Variants in SCARA5 observed in about 807,000 individuals in gnomAD.
SCARA5 encodes the protein scavenger receptor class A member 5.
In SCARA5, 45 loss-of-function variants were observed where a neutral mutation model predicts 46.3. The observed-to-expected ratio is 0.97, with a 90% confidence interval of 0.76 to 1.24. SCARA5 has a LOEUF of 1.24. Ranked by LOEUF, SCARA5 falls within the 50% of genes most tolerant of loss-of-function variation. SCARA5 has a pLI of 0.00. For missense variants in SCARA5, 680 were observed against 689.0 expected, an observed-to-expected ratio of 0.99 and a Z score of 0.15; for synonymous variants, 333 against 306.5, an observed-to-expected ratio of 1.09 and a Z score of -0.90.
rs77476112 is a variant in SCARA5, at chr8:27,907,027, T to C, written c.1096+121A>G. The C allele has an allele frequency of 2.4e-4, 149 of 633,120 alleles. 1 individual carries two copies. In the East Asian group the frequency reaches 4.0e-3, roughly 17 times the overall value. The allele number at this position is 633,120 out of a possible 1,614,324, so 39.2% of individuals were successfully genotyped here. On this transcript the variant is annotated intron_variant, in intron 6 of 8. Transcript: ENST00000354914. ...TGCTTTAACAAGATGAAGAGACTTG[T>C]ACAAGGTTGCCCCGCTGGTCCGTGG...
intron 7 of SCARA5, among the ~76,000 whole-genome samples, chr8:27,901,846 C>T (rs1807159965): frequency 6.6e-6 from 1 of 152,202 alleles, no homozygotes; most frequent in African/African-American, 2.4e-5. Context: ...GCCGAAGCCC[C>T]CATCCCAGGG....
chr8:27,970,215 GA>G (rs1413269065), intron 2 of SCARA5, among the ~76,000 whole-genome samples: 1 of 152,052 alleles, frequency 6.6e-6, no homozygotes, highest in Non-Finnish European at 1.5e-5. Flanking sequence ...GTAGGTGAGT[GA>G]GCCTCTAAGG....
At chr8:27,874,562 G>A (rs181265861) in intron 8 of SCARA5, among the ~76,000 whole-genome samples, 1 of 152,246 alleles carries the variant, frequency 6.6e-6, no homozygotes, top group Non-Finnish European at 1.5e-5. Flanking sequence ...CTGCAGAACT[G>A]AGTAGCTGTG....
intron 7 of SCARA5, among the ~76,000 whole-genome samples, chr8:27,890,235 G>A (rs200016993): frequency 6.6e-6 from 1 of 152,306 alleles, no homozygotes; most frequent in East Asian, 1.9e-4. Flanking sequence ...AGCCATTACT[G>A]GGATGCCAGA....
At chr8:27,958,985 C>A (rs1808249819) in intron 3 of SCARA5, among the ~76,000 whole-genome samples, 1 of 152,190 alleles carries the variant, frequency 6.6e-6, no homozygotes, top group Non-Finnish European at 1.5e-5. Flanking sequence ...GCAATCCCAG[C>A]ACGTTGGGAG....
At chr8:27,897,655 G>T (rs375883292) in intron 7 of SCARA5, among the ~76,000 whole-genome samples, 3 of 150,648 alleles carry the variant, frequency 2.0e-5, no homozygotes, top group Middle Eastern at 3.4e-3. Flanking sequence ...GCCTGTGTAC[G>T]CAGAGAAGTG....
chr8:27,912,216 A>C (rs1807388845), intron 4 of SCARA5, among the ~76,000 whole-genome samples: 1 of 152,214 alleles, frequency 6.6e-6, no homozygotes, highest in Non-Finnish European at 1.5e-5. Context: ...TGCACAATAA[A>C]TATTTGATGA....
chr8:27,977,856 G>A (rs768845315), intron 2 of SCARA5, among the ~76,000 whole-genome samples: 2 of 152,200 alleles, frequency 1.3e-5, no homozygotes, highest in African/African-American at 4.8e-5. Context: ...GCAGGGATGG[G>A]CTCCGACTGT....
At chr8:27,946,314 A>G (rs1278295820) in intron 3 of SCARA5, among the ~76,000 whole-genome samples, 1 of 152,240 alleles carries the variant, frequency 6.6e-6, no homozygotes, top group African/African-American at 2.4e-5. Flanking sequence ...AGGATTCGTG[A>G]AAACAACTGA....
At chr8:27,971,571 GACA>G (rs763982548) in intron 2 of SCARA5, among the ~76,000 whole-genome samples, 1 of 152,136 alleles carries the variant, frequency 6.6e-6, no homozygotes, top group Non-Finnish European at 1.5e-5. Flanking sequence ...CAACCACTAC[GACA>G]ACAACAGGAA....
At chr8:27,973,258 C>T (rs1026984703) in intron 2 of SCARA5, among the ~76,000 whole-genome samples, 1 of 152,144 alleles carries the variant, frequency 6.6e-6, no homozygotes, top group African/African-American at 2.4e-5. Context: ...GGGCAGATCA[C>T]TTGAGGTCAG....
chr8:27,966,333 T>A, intron 3 of SCARA5, 81 bp downstream of exon 3: 1 of 1,418,024 alleles, frequency 7.1e-7, no homozygotes, highest in Non-Finnish European at 9.6e-7. Flanking sequence ...TTTGGGCTCA[T>A]GACAGTGGGA....
At position 27,970,955 on chromosome 8, in the gene SCARA5, T is replaced by C. The variant is rs1386827182; in HGVS notation, c.113-4413A>G. 3.9e-5 allele frequency among the ~76,000 whole-genome samples: 6 copies of C among 152,196 alleles called. No individual in the cohort carries two copies. The East Asian group carries it at 1.2e-3, about 29-fold the overall frequency. On this transcript the variant is annotated intron_variant, in intron 2 of 8. Transcript: ENST00000354914. ...ACATTTGTTTTATGCTGCTCAGTAT[T>C]AGGGTAATTTCTTATGCGGCAATAG...
chr8:27,912,344 C>T (rs779540830), intron 4 of SCARA5, among the ~76,000 whole-genome samples: 1 of 152,210 alleles, frequency 6.6e-6, no homozygotes, highest in Non-Finnish European at 1.5e-5. Flanking sequence ...CCTAACCAAA[C>T]TTGACAGACA....
At chr8:27,932,981 C>T (rs1807801033) in intron 3 of SCARA5, among the ~76,000 whole-genome samples, 1 of 152,194 alleles carries the variant, frequency 6.6e-6, no homozygotes, top group African/African-American at 2.4e-5. Flanking sequence ...CAGGGCCCTC[C>T]CTTATGACCT....
intron 3 of SCARA5, among the ~76,000 whole-genome samples, chr8:27,953,282 C>G (rs1488355939): frequency 6.6e-6 from 1 of 152,198 alleles, no homozygotes; most frequent in African/African-American, 2.4e-5. Flanking sequence ...CTGCAGGAGC[C>G]CTTTGCTCTT....
chr8:27,974,252 G>C (rs556579101), intron 2 of SCARA5, among the ~76,000 whole-genome samples: 1 of 152,172 alleles, frequency 6.6e-6, no homozygotes, highest in Non-Finnish European at 1.5e-5. Flanking sequence ...TTAACTGTGA[G>C]AACCATGAGC....
In SCARA5 at chr8:27,975,676, G is replaced by A. The variant is rs777086574; in HGVS notation, c.113-9134C>T. ...GTGAAGCATTCTGTGATGAGTGAGC[G>A]AATAGAAAAAAACATTTTGGTTTTT... On this transcript the variant is annotated intron_variant, in intron 2 of 8. Coordinates refer to ENST00000354914, the MANE Select transcript of SCARA5 (RefSeq NM_173833.6). Among the ~76,000 whole-genome samples the A allele has an allele frequency of 4.8e-4, 72 of 151,396 alleles. 1 individual carries two copies. Among genetic ancestry groups the A allele is most frequent in the Non-Finnish European group, 5.8e-4 (39 of 67,526 alleles).
intron 3 of SCARA5, among the ~76,000 whole-genome samples, chr8:27,962,508 T>A (rs2685406): frequency 0.54 from 81,521 of 151,954 alleles, 22,081 homozygotes; most frequent in South Asian, 0.66. Context: ...CCAATAAAGG[T>A]TGATGGCATT....
Sources: allele counts gnomAD v4.1 joint callset (sites outside exome capture counted in the v4.1 genomes callset), GRCh38; gene constraint gnomAD v4.1.1; transcripts MANE v1.5; gene names NCBI Gene and HGNC (gene_info 2026-07-23, HGNC 2026-07-21).